The following ZRANB3 variants were observed in gnomAD, a reference collection of about 807,000 sequenced individuals.
ZRANB3 encodes DNA annealing helicase and endonuclease ZRANB3.
A neutral mutation model predicts 133.8 loss-of-function variants in ZRANB3; 125 were observed. The observed-to-expected ratio is 0.93, with a 90% CI of 0.81 to 1.08. ZRANB3 has a LOEUF of 1.08. ZRANB3 is among the 50% of genes least tolerant of loss of function. ZRANB3 has a pLI of 0.00. For missense variants in ZRANB3, 1,229 were observed against 1,275.5 expected, an observed-to-expected ratio of 0.96 and a Z score of 0.56; for synonymous variants, 387 against 432.7, an observed-to-expected ratio of 0.89 and a Z score of 1.31.
rs140262642 is a variant in ZRANB3, at chr2:135,201,980, C to T, written c.3141+852G>A. On this transcript the variant is annotated intron_variant, in intron 20 of 20. Transcript: ENST00000264159. ...CGTGATTTTTACACATGAGAATCTA[C>T]CTTAAGGAATGACCTCAAAATGTAG... Among the ~76,000 whole-genome samples, 854 of 152,162 alleles carry T rather than the reference C, an allele frequency of 5.6e-3. 7 individuals carry two copies. Among genetic ancestry groups the T allele is most frequent in the African/African-American group, 0.019 (797 of 41,514 alleles).
At chr2:135,204,153 G>A (rs1693751127) in intron 19 of ZRANB3, among the ~76,000 whole-genome samples, 1 of 152,210 alleles carries the variant, frequency 6.6e-6, no homozygotes, top group South Asian at 2.1e-4. Flanking sequence ...GAGGCAACAA[G>A]TTGGAGCAGT....
rs972092112 is a variant in ZRANB3 at position 135,462,376 on chromosome 2, C to A, written c.161+41953G>T. Among the ~76,000 whole-genome samples, 3 of 152,138 alleles carry A rather than the reference C, an allele frequency of 2.0e-5. No individual in the cohort carries two copies. The South Asian group carries it at 6.2e-4, about 32-fold the overall frequency. On this transcript the variant is annotated intron_variant, in intron 2 of 20. Transcript: ENST00000264159. ...GAAATAATCTTTGGCTACAATTCCA[C>A]GTAACTAAAAAGAGTAGACATATAT...
intron 2 of ZRANB3, among the ~76,000 whole-genome samples, chr2:135,437,375 C>T (rs916080199): frequency 4.6e-5 from 7 of 152,194 alleles, no homozygotes; most frequent in Non-Finnish European, 7.3e-5. Flanking sequence ...AATGAGTGTA[C>T]AACGTGTTAT....
intron 2 of ZRANB3, among the ~76,000 whole-genome samples, chr2:135,412,184 G>A (rs1168791156): frequency 6.6e-6 from 1 of 152,040 alleles, no homozygotes; most frequent in Non-Finnish European, 1.5e-5. Context: ...TAACAGAAAT[G>A]CTCAGGTTTT....
intron 20 of ZRANB3, among the ~76,000 whole-genome samples, chr2:135,202,272 A>G (rs190031111): frequency 1.3e-5 from 2 of 152,200 alleles, no homozygotes; most frequent in Non-Finnish European, 2.9e-5. Flanking sequence ...CAGCAGGTAA[A>G]TCCCACTACC....
intron 12 of ZRANB3, among the ~76,000 whole-genome samples, chr2:135,251,722 G>A (rs1350554504): frequency 6.6e-6 from 1 of 152,190 alleles, no homozygotes; most frequent in Non-Finnish European, 1.5e-5. Flanking sequence ...TCTCAGCCAT[G>A]TGGAACTGTG....
chr2:135,426,885 T>TAC, intron 2 of ZRANB3, among the ~76,000 whole-genome samples: 2 of 52,718 alleles, frequency 3.8e-5, no homozygotes, highest in South Asian at 1.8e-3. Context: ...TATATATATA[T>TAC]ATATATATAT....
intron 2 of ZRANB3, among the ~76,000 whole-genome samples, chr2:135,501,750 A>G (rs917755657): frequency 2.6e-5 from 4 of 152,194 alleles, no homozygotes; most frequent in African/African-American, 7.2e-5. Context: ...AATGTTCTAC[A>G]TTCTGGATTA....
At chr2:135,417,331 A>G (rs1034191410) in intron 2 of ZRANB3, among the ~76,000 whole-genome samples, 2 of 152,100 alleles carry the variant, frequency 1.3e-5, no homozygotes, top group Non-Finnish European at 2.9e-5. Flanking sequence ...AAAAGAAGAC[A>G]TTTATGCAGC....
chr2:135,481,770 T>C (rs1263949291), intron 2 of ZRANB3, among the ~76,000 whole-genome samples: 2 of 151,406 alleles, frequency 1.3e-5, no homozygotes, highest in African/African-American at 4.9e-5. Flanking sequence ...AAGTCTTTAA[T>C]CCATCTTGAA....
At chr2:135,457,469 A>G (rs922105726) in intron 2 of ZRANB3, among the ~76,000 whole-genome samples, 5 of 152,050 alleles carry the variant, frequency 3.3e-5, no homozygotes, top group South Asian at 2.1e-4. Context: ...AACACTTACT[A>G]TTGTCTTTCT....
intron 2 of ZRANB3, among the ~76,000 whole-genome samples, chr2:135,429,923 C>G (rs1689246637): frequency 1.3e-5 from 2 of 152,164 alleles, no homozygotes; most frequent in Admixed American, 1.3e-4. Flanking sequence ...TGTCTTATGT[C>G]TATAATCCCA....
intron 2 of ZRANB3, among the ~76,000 whole-genome samples, chr2:135,397,846 C>G (rs1231614013): frequency 6.6e-6 from 1 of 152,052 alleles, no homozygotes; most frequent in Non-Finnish European, 1.5e-5. Context: ...CTGAAAGTTA[C>G]CATGTAACCC....
In ZRANB3 at chr2:135,246,067, C is replaced by A. The variant is rs1165330206; in HGVS notation, c.1540-15140G>T. Among the ~76,000 whole-genome samples the A allele has an allele frequency of 1.6e-4, 17 of 106,892 alleles. No individual in the cohort carries two copies. The Admixed American group carries it at 2.2e-3, about 14-fold the overall frequency. 70.1% of individuals were successfully genotyped at this position (106,892 alleles called of 152,430 possible). On this transcript the variant is annotated intron_variant, in intron 12 of 20. Transcript: ENST00000264159. The stretch of plus-strand genomic sequence containing the variant: ...TTTTTTTTTTTTTTTGAGACAGAGT[C>A]TTGCTCTGTTGCTCAGGCTGGAGTG...
chr2:135,350,583 C>T (rs917691728), intron 4 of ZRANB3, among the ~76,000 whole-genome samples: 1 of 152,180 alleles, frequency 6.6e-6, no homozygotes, highest in Non-Finnish European at 1.5e-5. Flanking sequence ...AATAGGATAG[C>T]AGTTTTTCAA....
At chr2:135,459,015 G>T (rs921368176) in intron 2 of ZRANB3, among the ~76,000 whole-genome samples, 1 of 152,080 alleles carries the variant, frequency 6.6e-6, no homozygotes, top group Non-Finnish European at 1.5e-5. Context: ...ACTGTGGTTT[G>T]TAGATTATAA....
chr2:135,280,849 C>G (rs1375742286), intron 8 of ZRANB3, among the ~76,000 whole-genome samples: 1 of 152,222 alleles, frequency 6.6e-6, no homozygotes, highest in Admixed American at 6.5e-5. Context: ...CTCTTTGCAA[C>G]TAAGCCCTCA....
At chr2:135,316,218 C>G (rs1037945018) in intron 6 of ZRANB3, among the ~76,000 whole-genome samples, 1 of 152,154 alleles carries the variant, frequency 6.6e-6, no homozygotes, top group Admixed American at 6.5e-5. Flanking sequence ...AGAAAGGAAG[C>G]GATAACTTAA....
At chr2:135,403,459 C>A (rs780733539) in intron 2 of ZRANB3, among the ~76,000 whole-genome samples, 2 of 152,240 alleles carry the variant, frequency 1.3e-5, no homozygotes, top group Admixed American at 6.5e-5. Context: ...AGCCTGGAAG[C>A]TCCAACTGTG....
Sources: allele counts gnomAD v4.1 joint callset (sites outside exome capture counted in the v4.1 genomes callset), GRCh38; gene constraint gnomAD v4.1.1; transcripts MANE v1.5; gene names NCBI Gene and HGNC (gene_info 2026-07-23, HGNC 2026-07-21).